GRIK1: variants seen among roughly 807,000 people sequenced by gnomAD.
GRIK1 encodes the protein glutamate ionotropic receptor kainate type subunit 1.
In GRIK1, 69 loss-of-function variants were observed where a neutral mutation model predicts 105.7. The observed-to-expected ratio is 0.65, with a 90% CI of 0.54 to 0.80. GRIK1 has a LOEUF of 0.80. GRIK1 is among the 30% of genes least tolerant of loss of function. The probability of loss-of-function intolerance (pLI) is 0.00; values close to 1 mark genes in which losing one functional copy is unlikely to be tolerated. For synonymous variants in GRIK1, 438 were observed against 431.3 expected, an observed-to-expected ratio of 1.02 and a Z score of -0.19; for missense variants, 1,109 against 1,167.3, an observed-to-expected ratio of 0.95 and a Z score of 0.73.
chr21:29,885,250 G>A lies in GRIK1; in HGVS notation c.118+54133C>T, dbSNP rs193113314. ...AGAGTTTCATGTCAGGGCAATGGACGTTGTATGGTTAAATAGTCTTCAACT... is the reference window on the plus strand; with the variant it reads ...AGAGTTTCATGTCAGGGCAATGGACATTGTATGGTTAAATAGTCTTCAACT... On this transcript the variant is annotated intron_variant, in intron 1 of 17. Transcript: ENST00000327783. 6.6e-5 allele frequency among the ~76,000 whole-genome samples: 10 copies of A among 152,074 alleles called. No homozygotes were observed. In the East Asian group the frequency reaches 7.7e-4, roughly 12 times the overall value.
chr21:29,549,834 C>T (rs542383938), intron 16 of GRIK1, among the ~76,000 whole-genome samples: 3 of 151,976 alleles, frequency 2.0e-5, no homozygotes, highest in Non-Finnish European at 4.4e-5. Context: ...GGGCTGGGCG[C>T]GGAGGCTTAT....
At chr21:29,656,718 A>C (rs2146582298) in intron 4 of GRIK1, among the ~76,000 whole-genome samples, 1 of 152,348 alleles carries the variant, frequency 6.6e-6, no homozygotes, top group African/African-American at 2.4e-5. Flanking sequence ...AAGGTGCCTA[A>C]GATATGTGAA....
At chr21:29,553,329 A>G in intron 16 of GRIK1, 2 of 1,144,900 alleles carry the variant, frequency 1.7e-6, no homozygotes, top group Non-Finnish European at 1.1e-6. Flanking sequence ...ATTCCTGTAA[A>G]TACACATTTC....
intron 5 of GRIK1, among the ~76,000 whole-genome samples, 179 bp downstream of exon 5, chr21:29,654,630 AG>A (rs2062811562): frequency 1.8e-5 from 2 of 112,100 alleles, no homozygotes; most frequent in African/African-American, 4.8e-5. Context: ...AGAAAGAAAG[AG>A]AAAGAAAGAA....
chr21:29,804,656 A>T (rs2066811083), intron 1 of GRIK1, among the ~76,000 whole-genome samples: 1 of 152,216 alleles, frequency 6.6e-6, no homozygotes, highest in Non-Finnish European at 1.5e-5. Context: ...GAGAAATGAC[A>T]CATTCTATGT....
At chr21:29,865,378 A>AAAT (rs1004669805) in intron 1 of GRIK1, among the ~76,000 whole-genome samples, 8 of 152,346 alleles carry the variant, frequency 5.3e-5, no homozygotes, top group South Asian at 2.1e-4. Context: ...AAATGTTCAT[A>AAAT]AATACATTAA....
intron 1 of GRIK1, among the ~76,000 whole-genome samples, chr21:29,727,885 C>G (rs183299969): frequency 6.6e-6 from 1 of 152,292 alleles, no homozygotes; most frequent in African/African-American, 2.4e-5. Flanking sequence ...CGCCTGTAAG[C>G]GGAGCCCCGG....
At chr21:29,586,650 A>C (rs1423218026) in intron 12 of GRIK1, among the ~76,000 whole-genome samples, 1 of 152,244 alleles carries the variant, frequency 6.6e-6, no homozygotes, top group Non-Finnish European at 1.5e-5. Context: ...TTTAGCATCA[A>C]AAGTATTCAG....
chr21:29,608,308 T>C (rs867647026), intron 7 of GRIK1, among the ~76,000 whole-genome samples: 2 of 152,114 alleles, frequency 1.3e-5, no homozygotes, highest in Admixed American at 6.5e-5. Context: ...TTCCAAAGTA[T>C]GAAACAGTAT....
At chr21:29,558,651 G>A (rs1217304659) in intron 15 of GRIK1, among the ~76,000 whole-genome samples, 1 of 151,192 alleles carries the variant, frequency 6.6e-6, no homozygotes, top group Non-Finnish European at 1.5e-5. Flanking sequence ...ACTTGGGTGA[G>A]GTTGGCCAAA....
chr21:29,733,142 C>T (rs115180887), intron 1 of GRIK1, among the ~76,000 whole-genome samples: 105 of 152,080 alleles, frequency 6.9e-4, no homozygotes, highest in African/African-American at 2.4e-3. Context: ...CCATATATTT[C>T]GAGATTTTTC....
intron 1 of GRIK1, among the ~76,000 whole-genome samples, chr21:29,862,535 C>A (rs1218886819): frequency 6.6e-6 from 1 of 152,150 alleles, no homozygotes; most frequent in Non-Finnish European, 1.5e-5. Flanking sequence ...TCCAGGGTAT[C>A]TACAGATCCG....
chr21:29,615,125 C>T (rs2061818809), intron 7 of GRIK1, among the ~76,000 whole-genome samples: 1 of 151,524 alleles, frequency 6.6e-6, no homozygotes, highest in African/African-American at 2.4e-5. Context: ...GGATGGAATG[C>T]ATAGTTTTTT....
chr21:29,790,609 C>A (rs879807768), intron 1 of GRIK1, among the ~76,000 whole-genome samples: 2 of 151,950 alleles, frequency 1.3e-5, no homozygotes, highest in Admixed American at 6.6e-5. Flanking sequence ...GCGTGCACCA[C>A]CATGCCTGTA....
intron 1 of GRIK1, among the ~76,000 whole-genome samples, chr21:29,817,456 T>C (rs2067184800): frequency 1.3e-5 from 2 of 152,140 alleles, no homozygotes; most frequent in South Asian, 4.1e-4. Flanking sequence ...TTCCTAACCA[T>C]TCACTGCCTT....
chr21:29,744,743 C>G (rs1601585139), intron 1 of GRIK1, among the ~76,000 whole-genome samples: 2 of 152,142 alleles, frequency 1.3e-5, no homozygotes, highest in South Asian at 2.1e-4. Context: ...GGGATAAGGA[C>G]AGCATAGGAC....
chr21:29,711,252 T>C (rs2064042233), intron 1 of GRIK1, among the ~76,000 whole-genome samples: 1 of 152,140 alleles, frequency 6.6e-6, no homozygotes, highest in Non-Finnish European at 1.5e-5. Context: ...AATGCCATAT[T>C]TTTATTGTAC....
chr21:29,898,750 GA>G (rs965237288), intron 1 of GRIK1, among the ~76,000 whole-genome samples: 4 of 152,120 alleles, frequency 2.6e-5, no homozygotes, highest in Non-Finnish European at 5.9e-5. Flanking sequence ...AATTTTATGA[GA>G]AAAAATGCAT....
chr21:29,550,317 T>C (rs1258192090), intron 16 of GRIK1, among the ~76,000 whole-genome samples: 2 of 152,022 alleles, frequency 1.3e-5, no homozygotes, highest in African/African-American at 2.4e-5. Context: ...GAATTCTAAG[T>C]GGAAAGGGTC....
Sources: gnomAD v4.1 joint callset for allele counts (sites outside exome capture counted in the v4.1 genomes callset) on GRCh38, gnomAD v4.1.1 for gene constraint, MANE v1.5 for transcripts, NCBI Gene and HGNC (gene_info 2026-07-23, HGNC 2026-07-21) for gene names.